The following SMARCAD1 variants were observed in gnomAD, a reference collection of about 807,000 sequenced individuals.
SMARCAD1 encodes the protein SNF2 related chromatin remodeling ATPase with DExD box 1, also known as SWI/SNF-related matrix-associated actin-dependent regulator of chromatin subfamily A containing DEAD/H box 1.
A neutral mutation model predicts 127.1 loss-of-function variants in SMARCAD1; 25 were observed. That is an observed-to-expected ratio of 0.20 (90% CI 0.14 to 0.27). The LOEUF (loss-of-function observed/expected upper bound fraction) is 0.27. Among genes scored for constraint, SMARCAD1 ranks in the 10% least tolerant of loss-of-function variants. The probability of loss-of-function intolerance (pLI) is 1.00; values close to 1 mark genes in which losing one functional copy is unlikely to be tolerated. For synonymous variants in SMARCAD1, 400 were observed against 396.9 expected (o/e 1.01, Z -0.09); for missense variants, 807 against 1,206.0 (o/e 0.67, Z 4.90).
intron 22 of SMARCAD1, among the ~76,000 whole-genome samples, chr4:94,284,677 C>T (rs556446529): frequency 6.6e-6 from 1 of 151,524 alleles, no homozygotes; most frequent in African/African-American, 2.4e-5. Context: ...AAGCAATCCA[C>T]CTGCCTCAGC....
At chr4:94,210,983 G>A (rs1742152371) in intron 2 of SMARCAD1, among the ~76,000 whole-genome samples, 1 of 132,654 alleles carries the variant, frequency 7.5e-6, no homozygotes, top group Non-Finnish European at 1.6e-5. Flanking sequence ...AATAAGAATC[G>A]AAGGTCTGGC....
At position 94,252,501 on chromosome 4, in the gene SMARCAD1, G is replaced by T. The variant is rs574901386; in HGVS notation, c.890-115G>T. ...GTATCAAATTTAACAATAAATTGTC[G>T]TTGAATTCTTCTGTATTCAATAGGA... On this transcript the variant is annotated intron_variant, in intron 8 of 23. Coordinates refer to ENST00000354268, the MANE Select transcript of SMARCAD1 (RefSeq NM_020159.5). 6 of 621,242 alleles carry T rather than the reference G, an allele frequency of 9.7e-6. No individual in the cohort carries two copies. In the South Asian group the frequency reaches 1.9e-4, roughly 19 times the overall value. The allele number at this position is 621,242 out of a possible 1,614,324, so 38.5% of individuals were successfully genotyped here.
intron 2 of SMARCAD1, among the ~76,000 whole-genome samples, chr4:94,215,307 C>G (rs960546452): frequency 9.9e-5 from 15 of 152,090 alleles, no homozygotes; most frequent in Admixed American, 9.8e-4. Context: ...AAGTAGGAAT[C>G]TTAAGTGCAT....
rs1272329301 is a variant in SMARCAD1, at chr4:94,223,392, C to T, written c.191-2727C>T. Reference sequence around the variant, plus strand: ...CCTGTAGTCTCAGCTACTCAGGAGGCTGAGGCAGAAGAATCACTGGAGCCC... The same window carrying T: ...CCTGTAGTCTCAGCTACTCAGGAGGTTGAGGCAGAAGAATCACTGGAGCCC... On this transcript the variant is annotated intron_variant, in intron 2 of 23. Coordinates refer to ENST00000354268, the MANE Select transcript of SMARCAD1 (RefSeq NM_020159.5). Among the ~76,000 whole-genome samples the T allele has an allele frequency of 4.6e-5, 7 of 151,882 alleles. No individual in the cohort carries two copies. The East Asian group carries it at 5.9e-4, about 13-fold the overall frequency.
chr4:94,268,296 G>C (rs1325246283), intron 10 of SMARCAD1, among the ~76,000 whole-genome samples: 1 of 152,000 alleles, frequency 6.6e-6, no homozygotes, highest in Non-Finnish European at 1.5e-5. Context: ...TGATGTTATA[G>C]TGAGTATTTT....
chr4:94,215,295 G>A (rs1257267767), intron 2 of SMARCAD1, among the ~76,000 whole-genome samples: 1 of 152,180 alleles, frequency 6.6e-6, no homozygotes, highest in Non-Finnish European at 1.5e-5. Flanking sequence ...GTACTCAAAA[G>A]TAAGTAGGAA....
chr4:94,275,798 T>TTTATTTTATTTTATTTTTA lies in SMARCAD1; in HGVS notation c.1809-539_1809-538insATTTTATTTTATTTTTATT, dbSNP rs373829337. 3.9e-4 allele frequency among the ~76,000 whole-genome samples: 29 copies of TTTATTTTATTTTATTTTTA among 74,130 alleles called. No individual in the cohort carries two copies. In the East Asian group the frequency reaches 0.012, roughly 32 times the overall value. 48.6% of individuals were successfully genotyped at this position (74,130 alleles called of 152,430 possible). A position where few individuals can be genotyped will look rare whatever the true frequency, so the allele number is the denominator to read the frequency against. ...TCCGATTGTAACATTAACATTTTCT[T>TTTATTTTATTTTATTTTTA]TTTTTTTTTTTTTTTTGAGACGGAG... On this transcript the variant is annotated intron_variant, in intron 14 of 23. Transcript: ENST00000354268.
chr4:94,287,780 A>G (rs1207927556), intron 23 of SMARCAD1, among the ~76,000 whole-genome samples: 1 of 152,084 alleles, frequency 6.6e-6, no homozygotes, highest in African/African-American at 2.4e-5. Context: ...ACCTTTTGGA[A>G]CTTTAAAAAT....
At chr4:94,285,920 G>A (rs1754873059) in intron 23 of SMARCAD1, among the ~76,000 whole-genome samples, 1 of 152,194 alleles carries the variant, frequency 6.6e-6, no homozygotes, top group Non-Finnish European at 1.5e-5. Flanking sequence ...GAATGCATAA[G>A]GCAGATTCTC....
chr4:94,226,807 A>G (rs1421070226), intron 3 of SMARCAD1, among the ~76,000 whole-genome samples: 2 of 152,024 alleles, frequency 1.3e-5, no homozygotes, highest in Non-Finnish European at 2.9e-5. Flanking sequence ...GTGTCAAAAG[A>G]TAAGTGTTAT....
chr4:94,218,916 A>G (rs1743641119), intron 2 of SMARCAD1, among the ~76,000 whole-genome samples: 2 of 152,066 alleles, frequency 1.3e-5, no homozygotes, highest in South Asian at 2.1e-4. Flanking sequence ...GGTTCAAGCA[A>G]TTCTCATGCC....
intron 3 of SMARCAD1, among the ~76,000 whole-genome samples, chr4:94,232,913 A>G (rs971088047): frequency 9.2e-5 from 14 of 152,242 alleles, no homozygotes; most frequent in Admixed American, 3.9e-4. Context: ...CTGTAAGACA[A>G]AGGTTGCCGT....
chr4:94,234,535 A>G (rs1746339464), intron 4 of SMARCAD1, among the ~76,000 whole-genome samples: 1 of 152,184 alleles, frequency 6.6e-6, no homozygotes, highest in Admixed American at 6.5e-5. Context: ...ACAGTCCATA[A>G]CTAAGGATAG....
At chr4:94,280,482 G>A (rs142251241) in intron 19 of SMARCAD1, 110 bp from the exon 20 acceptor site, 18 of 963,118 alleles carry the variant, frequency 1.9e-5, no homozygotes, top group Non-Finnish European at 2.7e-5. Flanking sequence ...ACACTAAAAG[G>A]TTCTATGATT....
At chr4:94,214,427 A>AG (rs1742816913) in intron 2 of SMARCAD1, among the ~76,000 whole-genome samples, 1 of 132,088 alleles carries the variant, frequency 7.6e-6, no homozygotes, top group Non-Finnish European at 1.6e-5. Context: ...ACGCCGGGCT[A>AG]ATTTTTTTTT....
chr4:94,248,259 G>C (rs4331749), intron 6 of SMARCAD1, among the ~76,000 whole-genome samples: 2 of 152,174 alleles, frequency 1.3e-5, no homozygotes, highest in Non-Finnish European at 2.9e-5. Flanking sequence ...GTGTGTATCA[G>C]TACTTCATTC....
At chr4:94,256,246 G>A (rs1306201247) in intron 9 of SMARCAD1, among the ~76,000 whole-genome samples, 1 of 152,104 alleles carries the variant, frequency 6.6e-6, no homozygotes, top group African/African-American at 2.4e-5. Flanking sequence ...TTAGATCAGT[G>A]TAGATCCAGT....
chr4:94,287,244 G>C (rs1755073697), intron 23 of SMARCAD1, among the ~76,000 whole-genome samples: 1 of 152,102 alleles, frequency 6.6e-6, no homozygotes, highest in African/African-American at 2.4e-5. Flanking sequence ...TACTCGTTTA[G>C]CTGTAATCAT....
intron 10 of SMARCAD1, among the ~76,000 whole-genome samples, chr4:94,270,044 T>C (rs1752322041): frequency 6.6e-6 from 1 of 151,754 alleles, no homozygotes; most frequent in African/African-American, 2.4e-5. Flanking sequence ...GTTTCCAAAT[T>C]AAATAAGGTT....
Sources: gnomAD v4.1 joint callset for allele counts (sites outside exome capture counted in the v4.1 genomes callset) on GRCh38, gnomAD v4.1.1 for gene constraint, MANE v1.5 for transcripts, NCBI Gene and HGNC (gene_info 2026-07-23, HGNC 2026-07-21) for gene names.